The following WDFY4 variants were observed in gnomAD, a reference collection of about 807,000 sequenced individuals.
WDFY4 encodes the protein WDFY family member 4.
Under a neutral mutation model 351.9 loss-of-function variants are expected in WDFY4, and 169 were observed. The ratio of observed to expected loss-of-function variants is 0.48; its 90% CI spans 0.42 to 0.55. The LOEUF (loss-of-function observed/expected upper bound fraction) is 0.55, where lower values mean the gene tolerates loss of function less well. Ranked by LOEUF, WDFY4 falls within the 20% of genes least tolerant of loss-of-function variation. The probability of loss-of-function intolerance (pLI) is 0.00; values close to 1 mark genes in which losing one functional copy is unlikely to be tolerated. For synonymous variants in WDFY4, 1,622 were observed against 1,574.6 expected, an observed-to-expected ratio of 1.03 and a Z score of -0.71; for missense variants, 3,803 against 3,935.6, an observed-to-expected ratio of 0.97 and a Z score of 0.90.
At chr10:48,953,401 A>T (rs1423152978) in intron 51 of WDFY4, among the ~76,000 whole-genome samples, 1 of 151,600 alleles carries the variant, frequency 6.6e-6, no homozygotes, top group African/African-American at 2.4e-5. Flanking sequence ...GGGTTCATAG[A>T]CAAGGGCATG....
chr10:48,873,385 A>T, intron 40 of WDFY4, 106 bp from the exon 41 acceptor site: 1 of 1,292,068 alleles, frequency 7.7e-7, no homozygotes, highest in South Asian at 1.6e-5. Flanking sequence ...TATCTTTCTC[A>T]AACATTCATG....
rs116795743 is a variant in WDFY4, at chr10:48,770,667, G to A, written c.2554-3791G>A. Among the ~76,000 whole-genome samples, 876 of 152,316 alleles carry A rather than the reference G, an allele frequency of 5.8e-3. 8 individuals carry two copies. Among genetic ancestry groups the A allele is most frequent in the African/African-American group, 0.02 (816 of 41,560 alleles). On this transcript the variant is annotated intron_variant, in intron 13 of 61. Transcript: ENST00000325239. ...GCCTCAGAAAAAAGGCCTTGGGAAG[G>A]GAGTCAAGGACTTCGGGTGGATTTC...
chr10:48,823,504 A>G (rs1315313826), intron 35 of WDFY4: 1 of 1,148,516 alleles, frequency 8.7e-7, no homozygotes, highest in Non-Finnish European at 1.1e-6. Context: ...GCCTCTTCAC[A>G]GTTTCTAGAG....
chr10:48,977,129 C>A (rs1842603533), intron 59 of WDFY4, 150 bp downstream of exon 59: 2 of 674,844 alleles, frequency 3.0e-6, no homozygotes, highest in South Asian at 1.3e-4. Flanking sequence ...AAAGACAAGG[C>A]TCTTTGCAGG....
intron 19 of WDFY4, among the ~76,000 whole-genome samples, chr10:48,782,079 T>G (rs1008981087): frequency 6.6e-6 from 1 of 152,094 alleles, no homozygotes; most frequent in Non-Finnish European, 1.5e-5. Flanking sequence ...AGAGGTGCAA[T>G]TTGGTGACTG....
intron 24 of WDFY4, chr10:48,802,744 C>T (rs2067125019): frequency 2.1e-6 from 1 of 471,242 alleles, no homozygotes; most frequent in Admixed American, 2.3e-5. Context: ...CATGAGATGA[C>T]ACTGTGGTTT....
At chr10:48,745,044 G>C (rs1212180578) in intron 12 of WDFY4, among the ~76,000 whole-genome samples, 2 of 151,956 alleles carry the variant, frequency 1.3e-5, no homozygotes, top group African/African-American at 4.8e-5. Context: ...TTCTACCTTT[G>C]GGCTTATTCT....
chr10:48,739,136 G>A (rs1264970151), intron 11 of WDFY4, among the ~76,000 whole-genome samples: 1 of 152,200 alleles, frequency 6.6e-6, no homozygotes, highest in East Asian at 1.9e-4. Context: ...GAGCTTAATT[G>A]CATTACCTCA....
At chr10:48,867,552 G>A (rs183632853) in intron 40 of WDFY4, among the ~76,000 whole-genome samples, 3 of 152,334 alleles carry the variant, frequency 2.0e-5, no homozygotes, top group South Asian at 4.1e-4. Flanking sequence ...CCTGACTGCT[G>A]TACAATCTAG....
At chr10:48,942,427 A>G (rs1016867386) in intron 48 of WDFY4, among the ~76,000 whole-genome samples, 1 of 152,078 alleles carries the variant, frequency 6.6e-6, no homozygotes, top group Non-Finnish European at 1.5e-5. Context: ...CCTGTACACT[A>G]TGGATGCCTC....
intron 49 of WDFY4, among the ~76,000 whole-genome samples, chr10:48,945,488 C>T (rs919530017): frequency 6.6e-6 from 1 of 152,156 alleles, no homozygotes; most frequent in Admixed American, 6.5e-5. Flanking sequence ...GAAAAAGTTT[C>T]CCAGAGCACC....
At chr10:48,958,807 A>C (rs1467303266) in intron 52 of WDFY4, among the ~76,000 whole-genome samples, 1 of 152,150 alleles carries the variant, frequency 6.6e-6, no homozygotes, top group Non-Finnish European at 1.5e-5. Flanking sequence ...GCAAGACCTG[A>C]GTTTCTCTGG....
At chr10:48,830,992 G>C (rs2068171456) in intron 38 of WDFY4, 107 bp downstream of exon 38, 1 of 1,094,366 alleles carries the variant, frequency 9.1e-7, no homozygotes, top group South Asian at 1.7e-5. Context: ...TGGACCCTCT[G>C]TCTCATCCCT....
chr10:48,700,667 C>A (rs897905024), intron 1 of WDFY4, among the ~76,000 whole-genome samples: 1 of 152,252 alleles, frequency 6.6e-6, no homozygotes, highest in Non-Finnish European at 1.5e-5. Flanking sequence ...TCCATCTCAT[C>A]TCCACCTGGG....
intron 39 of WDFY4, among the ~76,000 whole-genome samples, chr10:48,864,054 A>G (rs1200678626): frequency 2.0e-5 from 3 of 152,136 alleles, no homozygotes; most frequent in South Asian, 2.1e-4. Flanking sequence ...GATTTGGGGG[A>G]TTGCAATTCA....
At chr10:48,893,070 G>C (rs962396365) in intron 44 of WDFY4, among the ~76,000 whole-genome samples, 1 of 152,222 alleles carries the variant, frequency 6.6e-6, no homozygotes, top group Non-Finnish European at 1.5e-5. Context: ...TGCTTCCTCT[G>C]ACTGCTCTAG....
Position 48,931,489 on chromosome 10 carries a change from T to A in WDFY4, c.7587-10317T>A, listed in dbSNP as rs2940726. 2.6e-5 allele frequency among the ~76,000 whole-genome samples: 4 copies of A among 152,188 alleles called. No individual in the cohort carries two copies. The South Asian group carries it at 6.2e-4, about 24-fold the overall frequency. ...GTGCTATAAACAACACGTGGCCTGTTGTGAGAGGGTGGCCCGTATTATGGT... is the reference window on the plus strand; with the variant it reads ...GTGCTATAAACAACACGTGGCCTGTAGTGAGAGGGTGGCCCGTATTATGGT... On this transcript the variant is annotated intron_variant, in intron 47 of 61. Transcript: ENST00000325239.
intron 47 of WDFY4, chr10:48,914,168 A>G (rs748653304): frequency 6.2e-7 from 1 of 1,607,120 alleles, no homozygotes; most frequent in South Asian, 1.1e-5. Context: ...TCTTTTAGTA[A>G]GGGAGTGTTA....
intron 59 of WDFY4, chr10:48,977,203 C>T (rs891808029): frequency 1.4e-5 from 5 of 345,752 alleles, no homozygotes; most frequent in African/African-American, 8.4e-5. Context: ...CATGCACACA[C>T]ACACAGACAC....
Sources: allele counts gnomAD v4.1 joint callset (sites outside exome capture counted in the v4.1 genomes callset), GRCh38; gene constraint gnomAD v4.1.1; transcripts MANE v1.5; gene names NCBI Gene and HGNC (gene_info 2026-07-23, HGNC 2026-07-21).